The following NDFIP1 variants were observed in gnomAD, a reference collection of about 807,000 sequenced individuals.
NDFIP1 encodes NEDD4 family-interacting protein 1.
NDFIP1 carries 7 observed loss-of-function variants against 28.8 expected under a neutral mutation model. The ratio of observed to expected loss-of-function variants is 0.24; its 90% CI spans 0.14 to 0.46. NDFIP1 has a LOEUF of 0.46. NDFIP1 is among the 20% of genes least tolerant of loss of function. The pLI is 0.99. For synonymous variants in NDFIP1, 92 were observed against 101.0 expected (o/e 0.91, Z 0.53); for missense variants, 194 against 269.1 (o/e 0.72, Z 1.95).
chr5:142,150,428 T>C (rs894302098), intron 7 of NDFIP1, among the ~76,000 whole-genome samples: 7 of 152,002 alleles, frequency 4.6e-5, no homozygotes, highest in Non-Finnish European at 8.8e-5. Flanking sequence ...GTGGTTTACT[T>C]CAAATCACAA....
intron 1 of NDFIP1, among the ~76,000 whole-genome samples, chr5:142,128,140 T>A (rs191080057): frequency 1.3e-5 from 2 of 152,234 alleles, no homozygotes; most frequent in East Asian, 3.9e-4. Context: ...AGTTTTCAGA[T>A]CTGTCTCTCT....
intron 1 of NDFIP1, among the ~76,000 whole-genome samples, chr5:142,120,193 C>CG (rs1432373474): frequency 6.6e-6 from 1 of 152,068 alleles, no homozygotes; most frequent in Non-Finnish European, 1.5e-5. Flanking sequence ...TGACCTCAGG[C>CG]AATCTGCCCA....
intron 7 of NDFIP1, 62 bp downstream of exon 7, chr5:142,144,738 T>A (rs1419073045): frequency 8.9e-7 from 1 of 1,128,890 alleles, no homozygotes; most frequent in East Asian, 2.4e-5. Context: ...TAGATTTCTG[T>A]TCAGTTTTAG....
At chr5:142,135,592 C>T in intron 3 of NDFIP1, 138 bp from the exon 4 acceptor site, 1 of 585,422 alleles carries the variant, frequency 1.7e-6, no homozygotes, top group East Asian at 2.8e-5. Flanking sequence ...GAATTTTAAA[C>T]ACACATTGAG....
intron 1 of NDFIP1, among the ~76,000 whole-genome samples, chr5:142,122,074 A>G (rs1435119693): frequency 2.6e-5 from 4 of 152,248 alleles, no homozygotes; most frequent in African/African-American, 7.2e-5. Flanking sequence ...AAAAACATGT[A>G]CAATCACAAA....
chr5:142,112,269 C>G (rs547068626), intron 1 of NDFIP1, among the ~76,000 whole-genome samples: 1 of 151,094 alleles, frequency 6.6e-6, no homozygotes, highest in South Asian at 2.1e-4. Flanking sequence ...CCTGTAGTCC[C>G]AGCTACTCAG....
intron 1 of NDFIP1, among the ~76,000 whole-genome samples, chr5:142,115,979 C>T (rs746062304): frequency 1.3e-5 from 2 of 152,158 alleles, no homozygotes; most frequent in Non-Finnish European, 2.9e-5. Flanking sequence ...ATTTAAAGTA[C>T]ATGAGGTAGG....
At chr5:142,131,939 C>G (rs1757232295) in intron 2 of NDFIP1, 44 bp downstream of exon 2, 10 of 1,457,120 alleles carry the variant, frequency 6.9e-6, no homozygotes, top group Non-Finnish European at 8.4e-6. Context: ...TAAAAACACT[C>G]TGTGCTTTGA....
At chr5:142,130,693 C>T (rs1242467904) in intron 1 of NDFIP1, among the ~76,000 whole-genome samples, 1 of 81,382 alleles carries the variant, frequency 1.2e-5, no homozygotes, top group Non-Finnish European at 2.4e-5. Context: ...GATCCTGTCT[C>T]TCCAAAAAAA....
intron 3 of NDFIP1, among the ~76,000 whole-genome samples, chr5:142,133,453 G>A (rs62381975): frequency 0.26 from 39,704 of 152,064 alleles, 5,549 homozygotes; most frequent in South Asian, 0.42. Context: ...CCATTTTACA[G>A]ATGTGAAAAT....
At chr5:142,129,046 G>A (rs1313166001) in intron 1 of NDFIP1, among the ~76,000 whole-genome samples, 2 of 152,088 alleles carry the variant, frequency 1.3e-5, no homozygotes, top group African/African-American at 4.8e-5. Context: ...AATTATGCAG[G>A]GGTAACGTGA....
chr5:142,133,780 T>G (rs1404674461), intron 3 of NDFIP1, among the ~76,000 whole-genome samples: 1 of 152,200 alleles, frequency 6.6e-6, no homozygotes, highest in Non-Finnish European at 1.5e-5. Context: ...GTAAAAAGCT[T>G]TGTATAAGGC....
At position 142,142,492 on chromosome 5, in the gene NDFIP1, G is replaced by C. The variant is rs181336572; in HGVS notation, c.562+1863G>C. 2.0e-5 allele frequency among the ~76,000 whole-genome samples: 3 copies of C among 152,172 alleles called. No homozygotes were observed. In the East Asian group the frequency reaches 5.8e-4, roughly 29 times the overall value. Reference sequence around the variant, plus strand: ...ATGGACCAAAGAGGAGCCCTTAAGCGTATGTTCAGATTGATTGCTTATGGC... The same window carrying C: ...ATGGACCAAAGAGGAGCCCTTAAGCCTATGTTCAGATTGATTGCTTATGGC... On this transcript the variant is annotated intron_variant, in intron 6 of 7. Coordinates refer to ENST00000253814, the MANE Select transcript of NDFIP1 (RefSeq NM_030571.4).
chr5:142,110,057 G>A (rs1184479465), intron 1 of NDFIP1, among the ~76,000 whole-genome samples: 4 of 151,816 alleles, frequency 2.6e-5, no homozygotes, highest in South Asian at 2.1e-4. Flanking sequence ...TATTTTAGAA[G>A]TAAGGAAAGC....
chr5:142,111,562 G>C (rs1227659248), intron 1 of NDFIP1, among the ~76,000 whole-genome samples: 2 of 152,138 alleles, frequency 1.3e-5, no homozygotes, highest in Non-Finnish European at 2.9e-5. Flanking sequence ...AACTTGATAG[G>C]AGCATGATAC....
At chr5:142,145,598 G>A (rs1596795698) in intron 7 of NDFIP1, among the ~76,000 whole-genome samples, 1 of 152,160 alleles carries the variant, frequency 6.6e-6, no homozygotes, top group Admixed American at 6.5e-5. Flanking sequence ...TGATAGTGGA[G>A]AGTGTGGGGA....
In NDFIP1 at chr5:142,131,802, A is replaced by G. The variant is rs182801004; in HGVS notation, c.64-6A>G. ...GCTTACATTAAAATATGAAATTTTT[A>G]TTTAGTTGCAGAATGAAGAAGAGTC... On this transcript the variant is annotated splice_polypyrimidine_tract_variant and splice_region_variant and intron_variant, in intron 1 of 7. Transcript: ENST00000253814. 130 of 1,562,562 alleles carry G rather than the reference A, an allele frequency of 8.3e-5. No homozygotes were observed. The African/African-American group carries it at 1.7e-3, about 21-fold the overall frequency.
At chr5:142,125,257 A>G (rs1757159510) in intron 1 of NDFIP1, among the ~76,000 whole-genome samples, 2 of 152,186 alleles carry the variant, frequency 1.3e-5, no homozygotes, top group Admixed American at 6.5e-5. Context: ...GTTGGCTATT[A>G]TGGATAATGC....
At chr5:142,127,143 G>A (rs1757178110) in intron 1 of NDFIP1, among the ~76,000 whole-genome samples, 3 of 152,102 alleles carry the variant, frequency 2.0e-5, no homozygotes, top group Admixed American at 6.5e-5. Flanking sequence ...AGCCTCCCGA[G>A]TAGTTGGGAC....
Sources: gnomAD v4.1 joint callset for allele counts (sites outside exome capture counted in the v4.1 genomes callset) on GRCh38, gnomAD v4.1.1 for gene constraint, MANE v1.5 for transcripts, NCBI Gene and HGNC (gene_info 2026-07-23, HGNC 2026-07-21) for gene names.